Variants in BANP observed in about 807,000 individuals in gnomAD.
The protein encoded by BANP is protein BANP.
A neutral mutation model predicts 68.1 loss-of-function variants in BANP; 11 were observed. The ratio of observed to expected loss-of-function variants is 0.16; its 90% CI spans 0.10 to 0.27. The LOEUF is 0.27. BANP is among the 10% of genes least tolerant of loss of function. The pLI, the probability that BANP is intolerant of heterozygous loss-of-function variation, is 1.00. For synonymous variants in BANP, 329 were observed against 303.2 expected (o/e 1.09, Z -0.88); for missense variants, 504 against 722.7 (o/e 0.70, Z 3.47).
chr16:87,961,161 G>T (rs1660003882), intron 1 of BANP, among the ~76,000 whole-genome samples: 1 of 152,150 alleles, frequency 6.6e-6, no homozygotes, highest in Non-Finnish European at 1.5e-5. Flanking sequence ...GAAGCTCATG[G>T]ATACAGTTCA....
intron 11 of BANP, 125 bp from the exon 12 acceptor site, chr16:88,065,142 G>T: frequency 3.7e-6 from 2 of 536,224 alleles, no homozygotes; most frequent in South Asian, 2.5e-5. Flanking sequence ...CATAACAAAC[G>T]ACCACAGACC....
chr16:88,029,587 G>A (rs1019793854), intron 8 of BANP, among the ~76,000 whole-genome samples: 21 of 150,034 alleles, frequency 1.4e-4, no homozygotes, highest in African/African-American at 4.9e-4. Context: ...CTCCAGCCTG[G>A]GCTACAGAGC....
intron 11 of BANP, among the ~76,000 whole-genome samples, chr16:88,047,742 C>G (rs1038804846): frequency 4.6e-5 from 7 of 152,216 alleles, no homozygotes; most frequent in African/African-American, 1.4e-4. Flanking sequence ...AGACCACGTT[C>G]AGGTCCTCAG....
At chr16:88,031,890 C>A (rs1270555085) in intron 8 of BANP, among the ~76,000 whole-genome samples, 1 of 151,506 alleles carries the variant, frequency 6.6e-6, no homozygotes, top group Non-Finnish European at 1.5e-5. Context: ...CTGTAACCAC[C>A]TACTCCCAGG....
At position 88,002,646 on chromosome 16, in the gene BANP, G is replaced by T. The variant is rs1332664109; in HGVS notation, c.363-1649G>T. Reference sequence around the variant, plus strand: ...CCCCCAGAAGCTGTGGGGCACCCGAGGGGCACATTATTCCAGTTGGGAGCT... The same window carrying T: ...CCCCCAGAAGCTGTGGGGCACCCGATGGGCACATTATTCCAGTTGGGAGCT... On this transcript the variant is annotated intron_variant, in intron 4 of 13. Coordinates refer to ENST00000682872, the MANE Select transcript of BANP (RefSeq NM_001386991.1). This position sits in a 1 kb window ranked among gnomAD's most constrained non-coding sequence, Gnocchi z 4.6. Among the ~76,000 whole-genome samples the T allele has an allele frequency of 6.6e-6, 1 of 152,128 alleles. No homozygotes were observed. The highest frequency in any genetic ancestry group is 2.4e-5 in the African/African-American group (1 of 41,420).
intron 2 of BANP, among the ~76,000 whole-genome samples, chr16:87,975,501 C>T (rs1394500886): frequency 6.6e-6 from 1 of 152,158 alleles, no homozygotes; most frequent in Non-Finnish European, 1.5e-5. Flanking sequence ...CGTCGTGGAT[C>T]TTTACCATGT....
intron 4 of BANP, among the ~76,000 whole-genome samples, chr16:87,989,859 G>A (rs1363617951): frequency 8.6e-6 from 1 of 116,798 alleles, no homozygotes; most frequent in Non-Finnish European, 1.7e-5. Context: ...GTGGCTGCGT[G>A]CATCCAGGAC....
intron 12 of BANP, among the ~76,000 whole-genome samples, chr16:88,068,448 C>T (rs1274693670): frequency 4.6e-5 from 7 of 152,210 alleles, no homozygotes; most frequent in Admixed American, 4.6e-4. Flanking sequence ...TTGAGAAACG[C>T]TGGTTCAGGC....
chr16:88,075,650 G>A (rs544809820), intron 13 of BANP, among the ~76,000 whole-genome samples: 2 of 152,144 alleles, frequency 1.3e-5, no homozygotes, highest in African/African-American at 2.4e-5. Context: ...GAGTGTGCAC[G>A]GCAGCCCTAG....
chr16:88,020,928 G>A (rs1008813828), intron 7 of BANP, among the ~76,000 whole-genome samples: 10 of 152,242 alleles, frequency 6.6e-5, no homozygotes, highest in African/African-American at 2.4e-4. Flanking sequence ...CCATGGCGGT[G>A]GGGTGGCTGT....
intron 2 of BANP, among the ~76,000 whole-genome samples, chr16:87,980,295 A>G (rs1162948073): frequency 6.6e-6 from 1 of 152,266 alleles, no homozygotes; most frequent in African/African-American, 2.4e-5. Flanking sequence ...ACAGACAGAT[A>G]GAAATGTGAT....
At chr16:88,054,777 A>G (rs2084556785) in intron 11 of BANP, among the ~76,000 whole-genome samples, 3 of 152,298 alleles carry the variant, frequency 2.0e-5, no homozygotes, top group South Asian at 4.1e-4. Context: ...TGTCCTTACT[A>G]TGTAGGCCTT....
chr16:87,989,587 G>A (rs1389553183), intron 4 of BANP, among the ~76,000 whole-genome samples: 2 of 148,512 alleles, frequency 1.3e-5, no homozygotes, highest in East Asian at 4.0e-4. Flanking sequence ...AGGACACAGG[G>A]CGGGTGACGG....
chr16:87,958,157 G>GCCT (rs2058463815), intron 1 of BANP, among the ~76,000 whole-genome samples: 6 of 151,838 alleles, frequency 4.0e-5, no homozygotes, highest in Non-Finnish European at 8.8e-5. Context: ...ATGTTAGGTG[G>GCCT]TGGTCCTTGG....
At chr16:88,026,083 TCC>T (rs879470616) in intron 7 of BANP, among the ~76,000 whole-genome samples, 4 of 152,196 alleles carry the variant, frequency 2.6e-5, no homozygotes, top group African/African-American at 9.7e-5. Flanking sequence ...CTCAGTTTTC[TCC>T]CTGTTGAATA....
rs775192445 is a variant in BANP, at chr16:88,033,132, C to T, written c.1087C>T (p.Pro363Ser). ...AGAGCCGATGATGAGCACCCCACCT[C>T]CTGCCAGCGAGCTCCCGCAGCCACA... is the stretch of plus-strand genomic sequence containing the variant. ...PSEPMMSTPP[P>S]ASELPQPQPQ... Residue 363 changes from proline (P) to serine (S), a missense_variant, in exon 9 of 14, where the codon CCT becomes TCT. Physicochemically the swap from Pro to Ser is moderately conservative, Grantham distance 74 (BLOSUM62 -1). Around this residue, in one of 3 missense-constraint regions of BANP, gnomAD observed 223 missense variants for 246.2 expected, o/e 0.91. Transcript: ENST00000682872. 7 of 1,608,696 alleles carry T rather than the reference C, an allele frequency of 4.4e-6. No individual in the cohort carries two copies. The highest frequency in any genetic ancestry group is 6.0e-6 in the Non-Finnish European group (7 of 1,176,030).
intron 11 of BANP, among the ~76,000 whole-genome samples, chr16:88,063,221 G>A (rs916116016): frequency 1.3e-5 from 2 of 152,208 alleles, no homozygotes; most frequent in Admixed American, 6.5e-5. Flanking sequence ...GGTATCTGCT[G>A]ACCCCGGTTC....
intron 13 of BANP, among the ~76,000 whole-genome samples, chr16:88,076,363 T>G (rs193050578): frequency 0.039 from 4,540 of 116,652 alleles, 85 homozygotes; most frequent in Middle Eastern, 0.062. Flanking sequence ...GGCCGGGGCC[T>G]GGGTGTGCCG....
intron 13 of BANP, among the ~76,000 whole-genome samples, chr16:88,072,963 T>C (rs1198208278): frequency 2.0e-5 from 3 of 152,250 alleles, no homozygotes; most frequent in Middle Eastern, 3.2e-3. Context: ...CCGCTGTCTT[T>C]GGGTCTGTTC....
Sources: gnomAD v4.1 joint callset for allele counts (sites outside exome capture counted in the v4.1 genomes callset) on GRCh38, gnomAD v4.1.1 for gene constraint, gnomAD v4.1.1 regional missense constraint, Gnocchi (gnomAD v3.1) non-coding constraint, MANE v1.5 for transcripts, NCBI Gene and HGNC (gene_info 2026-07-23, HGNC 2026-07-21) for gene names.